Variants in OR9I1 observed in about 807,000 individuals in gnomAD.
OR9I1 encodes the protein olfactory receptor 9I1.
OR9I1 carries 7 observed loss-of-function variants against 11.2 expected under a neutral mutation model. That is an observed-to-expected ratio of 0.62 (90% CI 0.36 to 1.17). OR9I1 has a LOEUF of 1.17. Among genes scored for constraint, OR9I1 ranks in the 50% most tolerant of loss-of-function variants. The probability of loss-of-function intolerance (pLI) is 0.02; values close to 1 mark genes in which losing one functional copy is unlikely to be tolerated. For synonymous variants in OR9I1, 165 were observed against 153.4 expected (o/e 1.08, Z -0.56); for missense variants, 428 against 377.2 (o/e 1.13, Z -1.12).
Position 58,118,971 on chromosome 11 carries a change from C to T in OR9I1, c.474G>A (p.Leu158=). 1.2e-6 allele frequency: 2 copies of T among 1,613,888 alleles called. No individual in the cohort carries two copies. The highest frequency in any genetic ancestry group is 1.7e-6 in the Non-Finnish European group (2 of 1,179,972). Residue 158 remains leucine, a synonymous_variant, in exon 3 of 3, where the codon CTG becomes CTA. Transcript: ENST00000641439. ...AYVCGVSGAI[L]RTTCTFTLSF... ...AGAGGGTGAAGGTGCAAGTGGTACG[C>T]AGGATGGCTCCTGACACCCCACAGA...
rs1023318656 is a variant in OR9I1 at position 58,117,181 on chromosome 11, G to A, written c.*1319C>T. On this transcript the variant is annotated 3_prime_UTR_variant, in exon 3 of 3. Coordinates refer to ENST00000641439, the MANE Select transcript of OR9I1 (RefSeq NM_001005211.2). ...GCAATCTATATTGAACATCTGATTA[G>A]TGCTTGGCTATTTCTTATTCATCAT... 2.0e-5 allele frequency: 3 copies of A among 152,180 alleles called. No individual in the cohort carries two copies. The highest frequency in any genetic ancestry group is 2.9e-5 in the Non-Finnish European group (2 of 68,030). 9.4% of individuals were successfully genotyped at this position (152,180 alleles called of 1,614,324 possible).
intron 2 of OR9I1, among the ~76,000 whole-genome samples, chr11:58,121,597 G>A (rs1453511539): frequency 1.3e-5 from 2 of 152,150 alleles, no homozygotes; most frequent in Non-Finnish European, 2.9e-5. Context: ...TGAACCATTT[G>A]CCTGGCCTCC....
At chr11:58,123,088 A>C (rs902795882) in intron 2 of OR9I1, among the ~76,000 whole-genome samples, 3 of 152,232 alleles carry the variant, frequency 2.0e-5, no homozygotes, top group African/African-American at 7.2e-5. Flanking sequence ...CCCTTTAAGC[A>C]GATATTATGA....
Position 58,118,653 on chromosome 11 carries a change from T to A in OR9I1, c.792A>T (p.Ser264=). Residue 264 remains serine, a synonymous_variant, in exon 3 of 3, where the codon TCA becomes TCT. Coordinates refer to ENST00000641439, the MANE Select transcript of OR9I1 (RefSeq NM_001005211.2). ...CTTTGTCTTCCTCCAGAGATTTGCC[T>A]GAGCCACTTTGCAGATACATGAAGA... ...ALIFMYLQSG[S]GKSLEEDKVV... The A allele has an allele frequency of 6.2e-7, 1 of 1,613,992 alleles. No individual in the cohort carries two copies. Among genetic ancestry groups the A allele is most frequent in the Non-Finnish European group, 8.5e-7 (1 of 1,179,968 alleles).
rs1853976868 is a variant in OR9I1 at position 58,118,125 on chromosome 11, G to T, written c.*375C>A. The T allele has an allele frequency of 6.1e-6, 1 of 165,152 alleles. No individual in the cohort carries two copies. 10.2% of individuals were successfully genotyped at this position (165,152 alleles called of 1,614,324 possible). On this transcript the variant is annotated 3_prime_UTR_variant, in exon 3 of 3. Transcript: ENST00000641439. ...TATAATCTTTGACACAGAGATAAAA[G>T]TGGGATTGATGGGAGCAAAAACAAG...
At chr11:58,122,818 ATATT>A (rs1342255430) in intron 2 of OR9I1, among the ~76,000 whole-genome samples, 1 of 151,990 alleles carries the variant, frequency 6.6e-6, no homozygotes, top group Non-Finnish European at 1.5e-5. Flanking sequence ...TATTCTTTTC[ATATT>A]TATTTAGAAA....
At position 58,117,278 on chromosome 11, in the gene OR9I1, C is replaced by T. The variant is rs919657912; in HGVS notation, c.*1222G>A. ...TTGTTTTAGGTCTGCAAAATTAAATCATTTACCCAAAGTCTCATAATAAAT... is the reference window on the plus strand; with the variant it reads ...TTGTTTTAGGTCTGCAAAATTAAATTATTTACCCAAAGTCTCATAATAAAT... On this transcript the variant is annotated 3_prime_UTR_variant, in exon 3 of 3. Transcript: ENST00000641439. The T allele has an allele frequency of 4.6e-5, 7 of 152,098 alleles. No individual in the cohort carries two copies. Among genetic ancestry groups the T allele is most frequent in the African/African-American group, 1.7e-4 (7 of 41,412 alleles). 9.4% of individuals were successfully genotyped at this position (152,098 alleles called of 1,614,324 possible).
Position 58,118,852 on chromosome 11 carries a change from A to T in OR9I1, c.593T>A (p.Val198Asp). Residue 198 changes from valine to aspartate, a missense_variant, in exon 3 of 3, where the codon GTC becomes GAC. Physicochemically the swap from Val to Asp is radical, Grantham distance 152 (BLOSUM62 -3). Transcript: ENST00000641439. The part of the protein sequence containing the change: ...ACSDTANIEI[V>D]IIFFGNFVIL... Reference sequence around the variant, plus strand: ...CACAAAATTGCCAAAGAAGATGATGACAATCTCGATGTTTGCTGTGTCACT... The same window carrying T: ...CACAAAATTGCCAAAGAAGATGATGTCAATCTCGATGTTTGCTGTGTCACT... The T allele has an allele frequency of 6.2e-7, 1 of 1,614,052 alleles. No individual in the cohort carries two copies. Among genetic ancestry groups the T allele is most frequent in the Non-Finnish European group, 8.5e-7 (1 of 1,179,994 alleles).
chr11:58,120,261 C>T (rs185184349), intron 2 of OR9I1, among the ~76,000 whole-genome samples: 6 of 152,168 alleles, frequency 3.9e-5, no homozygotes, highest in Non-Finnish European at 8.8e-5. Context: ...AGTTAACTAA[C>T]CCCTTTGTGC....
intron 2 of OR9I1, 61 bp from the exon 3 acceptor site, chr11:58,119,527 T>G (rs1229606699): frequency 1.0e-6 from 1 of 958,956 alleles, no homozygotes; most frequent in Non-Finnish European, 1.6e-6. Context: ...TTTCCCTCTA[T>G]GGTGGAAGTT....
chr11:58,119,268 C>T lies in OR9I1; in HGVS notation c.177G>A (p.Met59Ile), dbSNP rs1853998969. Residue 59 changes from methionine to isoleucine, a missense_variant, in exon 3 of 3, where the codon ATG (methionine) becomes ATA (isoleucine). Physicochemically the swap from Met to Ile is conservative, Grantham distance 10. Coordinates refer to ENST00000641439, the MANE Select transcript of OR9I1 (RefSeq NM_001005211.2). ...IQVDVKLYTP[M>I]YFFLSHLSLL... is the part of the protein sequence containing the mutation. Reference sequence around the variant, plus strand: ...GGGAGAGGTGGCTCAGGAAGAAGTACATTGGGGTGTAGAGTTTGACATCTA... The same window carrying T: ...GGGAGAGGTGGCTCAGGAAGAAGTATATTGGGGTGTAGAGTTTGACATCTA... The T allele has an allele frequency of 8.1e-6, 13 of 1,613,842 alleles. No individual in the cohort carries two copies. Among genetic ancestry groups the T allele is most frequent in the South Asian group, 4.4e-5 (4 of 91,076 alleles).
Position 58,119,351 on chromosome 11 carries a change from G to A in OR9I1, c.94C>T (p.Leu32=), listed in dbSNP as rs796514330. 1.9e-6 allele frequency: 3 copies of A among 1,613,878 alleles called. No individual in the cohort carries two copies. The highest frequency in any genetic ancestry group is 1.1e-5 in the South Asian group (1 of 91,074). Residue 32 remains leucine, a synonymous_variant, in exon 3 of 3, where the codon CTG becomes TTG. Coordinates refer to ENST00000641439, the MANE Select transcript of OR9I1 (RefSeq NM_001005211.2). The part of the protein sequence containing the change: ...KLEIPLFLVF[L]SFYLVTLLGN... Reference sequence around the variant, plus strand: ...AGAAGGGTGACTAGGTAGAAACTCAGAAACACCAGAAAGAGGGGAATCTCC... The same window carrying A: ...AGAAGGGTGACTAGGTAGAAACTCAAAAACACCAGAAAGAGGGGAATCTCC...
chr11:58,118,533 G>C lies in OR9I1; in HGVS notation c.912C>G (p.Val304=), dbSNP rs368868026. 2.5e-6 allele frequency: 4 copies of C among 1,611,636 alleles called. No individual in the cohort carries two copies. The African/African-American group carries it at 4.0e-5, about 16-fold the overall frequency. ...NKDVKDAFRK[V]ARRLQVSLSM is the part of the protein sequence containing the mutation. ...TCAGGGACACCTGGAGTCTCCTAGCGACCTTTCTGAAGGCGTCTTTTACAT... is the reference window on the plus strand; with the variant it reads ...TCAGGGACACCTGGAGTCTCCTAGCCACCTTTCTGAAGGCGTCTTTTACAT... Residue 304 remains valine (V), a synonymous_variant, in exon 3 of 3, where the codon GTC becomes GTG. Transcript: ENST00000641439.
chr11:58,119,488 A>G, intron 2 of OR9I1, 22 bp from the exon 3 acceptor site: 1 of 1,255,660 alleles, frequency 8.0e-7, no homozygotes, highest in Non-Finnish European at 1.1e-6. Context: ...AATGAAATAA[A>G]AAGAATCTCA....
Position 58,118,488 on chromosome 11 carries a change from TCTTA to T in OR9I1, c.*8_*11del. 4 of 1,541,248 alleles carry T rather than the reference TCTTA, an allele frequency of 2.6e-6. No homozygotes were observed. Among genetic ancestry groups the T allele is most frequent in the Non-Finnish European group, 2.6e-6 (3 of 1,136,876 alleles). On this transcript the variant is annotated 3_prime_UTR_variant, in exon 3 of 3. Coordinates refer to ENST00000641439, the MANE Select transcript of OR9I1 (RefSeq NM_001005211.2). ...GAAAGTGGACTAAAACAAGAATTCC[TCTTA>T]CTTAGATCTACATGCTCAGGGACAC... is the stretch of plus-strand genomic sequence containing the variant.
Position 58,118,708 on chromosome 11 carries a change from G to C in OR9I1, c.737C>G (p.Thr246Ser), listed in dbSNP as rs1590600229. The part of the protein sequence containing the change: ...KTFSTCASHI[T>S]AVALFFGALI... ...GGCTCCAAAGAAAAGGGCCACAGCA[G>C]TGATGTGAGAGGCACATGTGGAGAA... is the stretch of plus-strand genomic sequence containing the variant. The change falls in exon 3 of 3, where the codon ACT becomes AGT. Residue 246 changes from threonine (T) to serine (S), a missense_variant. Thr to Ser is a moderately conservative substitution (Grantham distance 58). Transcript: ENST00000641439. The C allele has an allele frequency of 1.2e-6, 2 of 1,614,092 alleles. No homozygotes were observed.
At chr11:58,120,152 C>T (rs1590601646) in intron 2 of OR9I1, among the ~76,000 whole-genome samples, 1 of 152,138 alleles carries the variant, frequency 6.6e-6, no homozygotes, top group Non-Finnish European at 1.5e-5. Flanking sequence ...CCATCATCTT[C>T]AACATATTGC....
At chr11:58,124,811 T>C (rs1382458616) in intron 1 of OR9I1, among the ~76,000 whole-genome samples, 172 bp from the exon 2 acceptor site, 1 of 152,246 alleles carries the variant, frequency 6.6e-6, no homozygotes, top group African/African-American at 2.4e-5. Flanking sequence ...CACGCTGTGC[T>C]GCTTTTCCTA....
At chr11:58,123,231 G>A (rs974410803) in intron 2 of OR9I1, among the ~76,000 whole-genome samples, 1 of 152,104 alleles carries the variant, frequency 6.6e-6, no homozygotes, top group Admixed American at 6.5e-5. Flanking sequence ...TTGTTTTGTT[G>A]TCTCCCTCCA....
Sources: allele counts gnomAD v4.1 joint callset (sites outside exome capture counted in the v4.1 genomes callset), GRCh38; gene constraint gnomAD v4.1.1; transcripts MANE v1.5; gene names NCBI Gene and HGNC (gene_info 2026-07-23, HGNC 2026-07-21).